The following ZNF521 variants were observed in gnomAD, a reference collection of about 807,000 sequenced individuals.
ZNF521 encodes the protein LYST-interacting protein 3.
A neutral mutation model predicts 105.5 loss-of-function variants in ZNF521; 14 were observed. The observed-to-expected ratio is 0.13, with a 90% CI of 0.09 to 0.21. The LOEUF (loss-of-function observed/expected upper bound fraction) is 0.21. Ranked by LOEUF, ZNF521 falls within the 10% of genes least tolerant of loss-of-function variation. ZNF521 has a pLI of 1.00. For synonymous variants in ZNF521, 635 were observed against 606.0 expected, an observed-to-expected ratio of 1.05 and a Z score of -0.70; for missense variants, 1,233 against 1,629.7, an observed-to-expected ratio of 0.76 and a Z score of 4.19.
chr18:25,074,722 T>C (rs2033318141), intron 7 of ZNF521, among the ~76,000 whole-genome samples: 1 of 152,146 alleles, frequency 6.6e-6, no homozygotes, highest in Non-Finnish European at 1.5e-5. Flanking sequence ...CAAGAAGAGC[T>C]TCTATTTGCT....
chr18:25,097,268 A>G (rs1258444288), intron 5 of ZNF521, among the ~76,000 whole-genome samples: 1 of 152,146 alleles, frequency 6.6e-6, no homozygotes, highest in Non-Finnish European at 1.5e-5. Flanking sequence ...AATTTGTTGT[A>G]TTATATACAG....
At chr18:25,181,274 A>G (rs1333400707) in intron 5 of ZNF521, among the ~76,000 whole-genome samples, 1 of 152,176 alleles carries the variant, frequency 6.6e-6, no homozygotes, top group Non-Finnish European at 1.5e-5. Flanking sequence ...TCCCAGGAGC[A>G]AGGCCAGGTT....
At chr18:25,237,400 A>G (rs1906978686) in intron 3 of ZNF521, among the ~76,000 whole-genome samples, 1 of 152,072 alleles carries the variant, frequency 6.6e-6, no homozygotes, top group Non-Finnish European at 1.5e-5. Flanking sequence ...CTACTGATTA[A>G]TATCTATAAT....
At chr18:25,110,684 TAA>T (rs200568619) in intron 5 of ZNF521, among the ~76,000 whole-genome samples, 2 of 142,728 alleles carry the variant, frequency 1.4e-5, no homozygotes. Context: ...AGCCCAAAAG[TAA>T]AAAAAAAAAA....
intron 3 of ZNF521, among the ~76,000 whole-genome samples, chr18:25,289,601 T>A (rs1379475758): frequency 6.6e-6 from 1 of 152,206 alleles, no homozygotes; most frequent in Non-Finnish European, 1.5e-5. Flanking sequence ...ATATACTTTG[T>A]TATCAGATAA....
chr18:25,247,243 T>C (rs1399459211), intron 3 of ZNF521, among the ~76,000 whole-genome samples: 1 of 152,186 alleles, frequency 6.6e-6, no homozygotes, highest in Admixed American at 6.5e-5. Flanking sequence ...GGAATGTTAA[T>C]AGACCCCTCT....
intron 5 of ZNF521, among the ~76,000 whole-genome samples, chr18:25,155,012 G>C (rs1459880220): frequency 2.0e-5 from 3 of 152,126 alleles, no homozygotes; most frequent in Non-Finnish European, 4.4e-5. Context: ...CTCACCAACA[G>C]ACAAGGGTTT....
intron 2 of ZNF521, among the ~76,000 whole-genome samples, chr18:25,332,885 C>A (rs1205969318): frequency 6.6e-6 from 1 of 152,014 alleles, no homozygotes; most frequent in African/African-American, 2.4e-5. Context: ...TACAGAGCTA[C>A]CCAGATAGAA....
intron 3 of ZNF521, among the ~76,000 whole-genome samples, chr18:25,240,048 T>C (rs1357035382): frequency 6.6e-6 from 1 of 152,164 alleles, no homozygotes; most frequent in Non-Finnish European, 1.5e-5. Flanking sequence ...GTGCACTCTA[T>C]TGTCGTTCAG....
At chr18:25,195,993 G>A (rs2035896188) in intron 4 of ZNF521, among the ~76,000 whole-genome samples, 1 of 151,658 alleles carries the variant, frequency 6.6e-6, no homozygotes, top group Admixed American at 6.6e-5. Flanking sequence ...AAATACTTTT[G>A]ATTCTAAATG....
intron 5 of ZNF521, among the ~76,000 whole-genome samples, chr18:25,145,304 T>C (rs2034922527): frequency 6.6e-6 from 1 of 152,120 alleles, no homozygotes; most frequent in Non-Finnish European, 1.5e-5. Context: ...TCCCTAAATA[T>C]TTACATCAAT....
At chr18:25,142,712 A>AT (rs967895096) in intron 5 of ZNF521, among the ~76,000 whole-genome samples, 87 of 147,968 alleles carry the variant, frequency 5.9e-4, no homozygotes, top group Middle Eastern at 7.0e-3. Flanking sequence ...TTGAAATTTG[A>AT]TTTTTTTTTT....
At chr18:25,199,753 C>G (rs918188777) in intron 4 of ZNF521, among the ~76,000 whole-genome samples, 1 of 152,048 alleles carries the variant, frequency 6.6e-6, no homozygotes, top group Non-Finnish European at 1.5e-5. Flanking sequence ...TTAACCCCAT[C>G]TCCACTATTC....
intron 5 of ZNF521, among the ~76,000 whole-genome samples, chr18:25,194,225 A>T (rs1427796530): frequency 6.6e-6 from 1 of 151,720 alleles, no homozygotes; most frequent in Non-Finnish European, 1.5e-5. Flanking sequence ...TGACTTTTTA[A>T]ATATTATAAT....
intron 3 of ZNF521, among the ~76,000 whole-genome samples, chr18:25,298,950 A>C: frequency 6.6e-6 from 1 of 152,218 alleles, no homozygotes; most frequent in Non-Finnish European, 1.5e-5. Context: ...CTCCTTGCCA[A>C]ACAGCCAGAC....
chr18:25,125,569 G>C (rs2034523139), intron 5 of ZNF521, among the ~76,000 whole-genome samples: 1 of 151,790 alleles, frequency 6.6e-6, no homozygotes, highest in East Asian at 1.9e-4. Context: ...TTGATTATGG[G>C]TTAGTAGGAT....
At chr18:25,339,529 C>T (rs922751561) in intron 2 of ZNF521, among the ~76,000 whole-genome samples, 2 of 152,206 alleles carry the variant, frequency 1.3e-5, no homozygotes, top group African/African-American at 4.8e-5. Context: ...GATCATAACT[C>T]TACCAGGATA....
At chr18:25,087,096 C>G (rs72881241) in intron 7 of ZNF521, among the ~76,000 whole-genome samples, 4,120 of 152,166 alleles carry the variant, frequency 0.027, 100 homozygotes, top group Middle Eastern at 0.11. Context: ...TGCTTGTATT[C>G]TTGTATTTAA....
chr18:25,322,553 A>C (rs12963439), intron 2 of ZNF521, among the ~76,000 whole-genome samples: 21,642 of 121,986 alleles, frequency 0.18, 1,765 homozygotes, highest in African/African-American at 0.19. Context: ...AAAAAAAAAA[A>C]CCCCCCCACT....
Sources: allele counts gnomAD v4.1 joint callset (sites outside exome capture counted in the v4.1 genomes callset), GRCh38; gene constraint gnomAD v4.1.1; transcripts MANE v1.5; gene names NCBI Gene and HGNC (gene_info 2026-07-23, HGNC 2026-07-21).